The following BICRAL variants were observed in gnomAD, a reference collection of about 807,000 sequenced individuals.
BICRAL encodes BRD4-interacting chromatin-remodeling complex-associated protein-like.
A neutral mutation model predicts 91.8 loss-of-function variants in BICRAL; 8 were observed. The ratio of observed to expected loss-of-function variants is 0.09; its 90% CI spans 0.05 to 0.16. BICRAL has a LOEUF of 0.16. Among genes scored for constraint, BICRAL ranks in the 10% least tolerant of loss-of-function variants. The pLI, the probability that BICRAL is intolerant of heterozygous loss-of-function variation, is 1.00. For missense variants in BICRAL, 1,038 were observed against 1,310.9 expected (o/e 0.79, Z 3.21); for synonymous variants, 445 against 491.1 (o/e 0.91, Z 1.24).
intron 1 of BICRAL, among the ~76,000 whole-genome samples, chr6:42,747,483 T>G (rs772389726): frequency 4.6e-5 from 7 of 152,244 alleles, no homozygotes; most frequent in Admixed American, 2.0e-4. Flanking sequence ...GAATTAAATC[T>G]GAGTTAAAAC....
intron 1 of BICRAL, among the ~76,000 whole-genome samples, chr6:42,769,257 G>A (rs915609825): frequency 6.6e-6 from 1 of 152,186 alleles, no homozygotes; most frequent in Non-Finnish European, 1.5e-5. Flanking sequence ...CTACCAGCAG[G>A]ATGCCTAAGC....
intron 5 of BICRAL, among the ~76,000 whole-genome samples, chr6:42,824,652 T>C (rs553871042): frequency 1.3e-5 from 2 of 152,246 alleles, no homozygotes; most frequent in Admixed American, 6.5e-5. Context: ...GACTCAGAAA[T>C]GTTACAACCT....
intron 6 of BICRAL, 121 bp downstream of exon 6, chr6:42,830,293 T>A: frequency 1.0e-6 from 1 of 996,370 alleles, no homozygotes; most frequent in Non-Finnish European, 1.5e-6. Flanking sequence ...AGGCCAGGTG[T>A]AGTGGCTCAT....
intron 6 of BICRAL, among the ~76,000 whole-genome samples, chr6:42,841,034 C>T (rs1176806827): frequency 7.0e-6 from 1 of 143,030 alleles, no homozygotes; most frequent in Admixed American, 7.1e-5. Flanking sequence ...GAGATCATAC[C>T]ACTGCACTCC....
At chr6:42,789,274 A>G (rs1763197497) in intron 1 of BICRAL, among the ~76,000 whole-genome samples, 1 of 152,322 alleles carries the variant, frequency 6.6e-6, no homozygotes, top group Middle Eastern at 3.4e-3. Context: ...AACTCTATAG[A>G]GAAATAAAGG....
chr6:42,771,098 C>A (rs1163008938), intron 1 of BICRAL, among the ~76,000 whole-genome samples: 1 of 152,206 alleles, frequency 6.6e-6, no homozygotes, highest in Non-Finnish European at 1.5e-5. Flanking sequence ...CCACCCCAAG[C>A]CTGCAGTAGA....
intron 2 of BICRAL, among the ~76,000 whole-genome samples, chr6:42,817,172 G>GTA (rs1201241713): frequency 6.6e-5 from 9 of 135,920 alleles, no homozygotes; most frequent in East Asian, 2.1e-4. Context: ...GTGTGTGTGT[G>GTA]TATATATGTG....
chr6:42,762,599 A>G (rs1406334670), intron 1 of BICRAL, among the ~76,000 whole-genome samples: 1 of 152,100 alleles, frequency 6.6e-6, no homozygotes, highest in Non-Finnish European at 1.5e-5. Flanking sequence ...TGTGTCTCCT[A>G]TTTTTTACAC....
At position 42,829,022 on chromosome 6, in the gene BICRAL, A is replaced by G. The variant is rs1289432770; in HGVS notation, c.689A>G (p.Asn230Ser). 2.5e-6 allele frequency: 4 copies of G among 1,613,944 alleles called. No individual in the cohort carries two copies. The highest frequency in any genetic ancestry group is 2.7e-5 in the African/African-American group (2 of 75,054). ...CATCCTTCCATGATGACTATTAATA[A>G]CCTAGATGGATCTCAAATCATATTA... ...GNHPSMMTIN[N>S]LDGSQIILKG... The change falls in exon 6 of 13, where the codon AAC (asparagine) becomes AGC (serine). Residue 230 changes from asparagine to serine, a missense_variant. Around this residue, in one of 5 missense-constraint regions of BICRAL, gnomAD observed 532 missense variants for 724.9 expected, o/e 0.73. Coordinates refer to ENST00000314073, the MANE Select transcript of BICRAL (RefSeq NM_001393499.1).
At chr6:42,800,685 G>A (rs1161405607) in intron 1 of BICRAL, among the ~76,000 whole-genome samples, 1 of 151,964 alleles carries the variant, frequency 6.6e-6, no homozygotes, top group Admixed American at 6.6e-5. Flanking sequence ...GAGTAGCTGG[G>A]ACTACAGGCA....
intron 2 of BICRAL, among the ~76,000 whole-genome samples, chr6:42,820,489 C>T (rs1764106909): frequency 6.6e-6 from 1 of 152,102 alleles, no homozygotes; most frequent in South Asian, 2.1e-4. Flanking sequence ...CACTAAATGT[C>T]GTCAGGATTT....
At chr6:42,779,019 G>T (rs2113853649), upstream of BICRAL, among the ~76,000 whole-genome samples, 1 of 151,662 alleles carries the variant, frequency 6.6e-6, no homozygotes. Context: ...TAGAGATGGG[G>T]TTTCGCCATG....
upstream of BICRAL, among the ~76,000 whole-genome samples, chr6:42,780,091 T>C (rs565648114): frequency 6.6e-6 from 1 of 151,998 alleles, no homozygotes; most frequent in South Asian, 2.1e-4. Flanking sequence ...TTTTTAGAGA[T>C]GGGATCTCGC....
chr6:42,802,093 G>A (rs1763590187), intron 1 of BICRAL, among the ~76,000 whole-genome samples: 1 of 151,788 alleles, frequency 6.6e-6, no homozygotes, highest in Admixed American at 6.6e-5. Flanking sequence ...TGGGCAACAT[G>A]GTGAGCAATC....
upstream of BICRAL, among the ~76,000 whole-genome samples, chr6:42,778,963 G>A (rs1451469199): frequency 6.6e-6 from 1 of 151,042 alleles, no homozygotes; most frequent in Non-Finnish European, 1.5e-5. Flanking sequence ...GATTACAGGC[G>A]CCTGCCACCA....
intron 1 of BICRAL, among the ~76,000 whole-genome samples, chr6:42,790,910 G>A (rs904035238): frequency 6.6e-6 from 1 of 152,038 alleles, no homozygotes; most frequent in African/African-American, 2.4e-5. Context: ...AAATGAGTAT[G>A]GAGAGGTGAG....
At chr6:42,781,683 G>A (rs1762913936), upstream of BICRAL, among the ~76,000 whole-genome samples, 1 of 147,264 alleles carries the variant, frequency 6.8e-6, no homozygotes, top group Admixed American at 6.9e-5. Flanking sequence ...TTGTTTTAAA[G>A]CCAAATAAAA....
rs544999728 is a variant in BICRAL, at chr6:42,867,273, C to G, written c.*1827C>G. 22 of 157,146 alleles carry G rather than the reference C, an allele frequency of 1.4e-4. No individual in the cohort carries two copies. In the South Asian group the frequency reaches 4.2e-3, roughly 30 times the overall value. The allele number at this position is 157,146 out of a possible 1,614,324, so 9.7% of individuals were successfully genotyped here. On this transcript the variant is annotated 3_prime_UTR_variant, in exon 13 of 13. Transcript: ENST00000314073. ...CAGAAAACCCTGTGAGATGGCCAGT[C>G]TTCATAATAGCAACGTACCTTCACC...
intron 3 of BICRAL, 84 bp from the exon 4 acceptor site, chr6:42,822,712 C>T (rs1764175359): frequency 1.5e-6 from 1 of 685,708 alleles, no homozygotes; most frequent in Non-Finnish European, 2.5e-6. Flanking sequence ...AAATCATTTT[C>T]TTTCTACTCT....
Sources: allele counts gnomAD v4.1 joint callset (sites outside exome capture counted in the v4.1 genomes callset), GRCh38; gene constraint gnomAD v4.1.1; regional missense constraint gnomAD v4.1.1; transcripts MANE v1.5; gene names NCBI Gene and HGNC (gene_info 2026-07-23, HGNC 2026-07-21).